GALNT2: variants seen among roughly 807,000 people sequenced by gnomAD.
The protein encoded by GALNT2 is UDP-GalNAc:polypeptide N-acetylgalactosaminyltransferase 2.
Under a neutral mutation model 81.4 loss-of-function variants are expected in GALNT2, and 31 were observed. The ratio of observed to expected loss-of-function variants is 0.38; its 90% confidence interval spans 0.29 to 0.51. GALNT2 has a LOEUF of 0.51. GALNT2 is among the 20% of genes least tolerant of loss of function. GALNT2 has a pLI of 0.87. For missense variants in GALNT2, 629 were observed against 765.7 expected (o/e 0.82, Z 2.11); for synonymous variants, 303 against 287.4 (o/e 1.05, Z -0.55).
chr1:230,206,668 C>T (rs993060631), intron 3 of GALNT2, among the ~76,000 whole-genome samples: 1 of 152,138 alleles, frequency 6.6e-6, no homozygotes, highest in Non-Finnish European at 1.5e-5. Flanking sequence ...TATCTACCTT[C>T]GTGTTGATCA....
chr1:230,241,431 G>GTT (rs112612933), intron 6 of GALNT2, among the ~76,000 whole-genome samples: 1 of 145,250 alleles, frequency 6.9e-6, no homozygotes, highest in Non-Finnish European at 1.5e-5. Flanking sequence ...GATGAGTATG[G>GTT]TTTTTTTTTT....
At chr1:230,216,548 C>G (rs1044559109) in intron 3 of GALNT2, among the ~76,000 whole-genome samples, 16 of 152,194 alleles carry the variant, frequency 1.1e-4, no homozygotes, top group African/African-American at 3.9e-4. Flanking sequence ...AAGCCATCCC[C>G]CTGAGTAGCT....
At chr1:230,060,691 T>G (rs1659025394) in intron 1 of GALNT2, among the ~76,000 whole-genome samples, 1 of 152,244 alleles carries the variant, frequency 6.6e-6, no homozygotes, top group South Asian at 2.1e-4. Context: ...AAACCTTTAC[T>G]GCGATGGTTG....
chr1:230,252,668 G>A (rs1165507442), intron 10 of GALNT2, among the ~76,000 whole-genome samples: 2 of 152,066 alleles, frequency 1.3e-5, no homozygotes, highest in Non-Finnish European at 2.9e-5. Flanking sequence ...CAACGCTGAA[G>A]ATACTGTAGT....
chr1:230,126,596 G>A (rs1056758444), intron 1 of GALNT2, among the ~76,000 whole-genome samples: 2 of 152,192 alleles, frequency 1.3e-5, no homozygotes, highest in East Asian at 3.8e-4. Flanking sequence ...TGGTTCAGAA[G>A]GCCATCCTCC....
chr1:230,206,723 A>G (rs1037576856), intron 3 of GALNT2, among the ~76,000 whole-genome samples: 1 of 152,208 alleles, frequency 6.6e-6, no homozygotes, highest in African/African-American at 2.4e-5. Context: ...GTTTTGATAA[A>G]TCTGAAAGCA....
Position 230,272,062 on chromosome 1 carries a change from A to T in GALNT2, c.1441-2383A>T, listed in dbSNP as rs1666173254. Among the ~76,000 whole-genome samples the T allele has an allele frequency of 2.0e-5, 3 of 152,232 alleles. No homozygotes were observed. In the South Asian group the frequency reaches 6.2e-4, roughly 31 times the overall value. On this transcript the variant is annotated intron_variant, in intron 14 of 15. Coordinates refer to ENST00000366672, the MANE Select transcript of GALNT2 (RefSeq NM_004481.5). ...GTTGGGAACCGGGGTCAAAGACCAA[A>T]CACTAGAATGAAAGATGCTCCTAAA... is the stretch of plus-strand genomic sequence containing the variant.
intron 11 of GALNT2, among the ~76,000 whole-genome samples, chr1:230,256,664 G>A (rs930278767): frequency 2.0e-5 from 3 of 152,128 alleles, no homozygotes; most frequent in Admixed American, 6.5e-5. Context: ...AGGGCTTTCC[G>A]AAAGTAAAAT....
rs780916287 is a variant in GALNT2, at chr1:230,178,211, C to T, written c.127-7C>T. The stretch of plus-strand genomic sequence containing the variant: ...AGTCAACTCATTCAGTGTCTTTGTT[C>T]CCCTAGGAGGACTGGAATGAAATTG... On this transcript the variant is annotated splice_polypyrimidine_tract_variant and splice_region_variant and intron_variant, in intron 1 of 15. Coordinates refer to ENST00000366672, the MANE Select transcript of GALNT2 (RefSeq NM_004481.5). 3 of 1,607,804 alleles carry T rather than the reference C, an allele frequency of 1.9e-6. No individual in the cohort carries two copies. Among genetic ancestry groups the T allele is most frequent in the African/African-American group, 1.3e-5 (1 of 74,714 alleles).
intron 1 of GALNT2, among the ~76,000 whole-genome samples, chr1:230,076,890 T>G (rs1659578772): frequency 6.6e-6 from 1 of 152,192 alleles, no homozygotes; most frequent in African/African-American, 2.4e-5. Context: ...CCATCAAGGT[T>G]TCTTCCTCTC....
At chr1:230,252,082 G>C (rs953287446) in intron 10 of GALNT2, among the ~76,000 whole-genome samples, 2 of 152,160 alleles carry the variant, frequency 1.3e-5, no homozygotes, top group African/African-American at 4.8e-5. Context: ...GGCTCTCCTG[G>C]GTTATGCCAA....
chr1:230,096,415 A>T (rs558233761), intron 1 of GALNT2, among the ~76,000 whole-genome samples: 1 of 152,184 alleles, frequency 6.6e-6, no homozygotes, highest in African/African-American at 2.4e-5. Flanking sequence ...TGGTTAGAGC[A>T]TGCTGGCTGA....
intron 1 of GALNT2, among the ~76,000 whole-genome samples, chr1:230,103,575 G>C (rs1404325414): frequency 6.6e-6 from 1 of 152,114 alleles, no homozygotes; most frequent in African/African-American, 2.4e-5. Context: ...GAGGCAGTCT[G>C]TGTCTGTGGG....
At chr1:230,150,526 T>C (rs556711499) in intron 1 of GALNT2, among the ~76,000 whole-genome samples, 1 of 152,378 alleles carries the variant, frequency 6.6e-6, no homozygotes, top group South Asian at 2.1e-4. Flanking sequence ...AGTGAATGTC[T>C]CTGTTAGAGT....
At chr1:230,261,051 T>C (rs1665861711) in intron 11 of GALNT2, among the ~76,000 whole-genome samples, 1 of 151,932 alleles carries the variant, frequency 6.6e-6, no homozygotes, top group African/African-American at 2.4e-5. Context: ...TTCATTTGAT[T>C]CCTTCCTCAT....
chr1:230,187,505 G>A (rs906868571), intron 2 of GALNT2, among the ~76,000 whole-genome samples: 1 of 152,142 alleles, frequency 6.6e-6, no homozygotes, highest in Non-Finnish European at 1.5e-5. Context: ...CATCTGGGTG[G>A]GGCTACCTGT....
At chr1:230,061,979 T>A (rs1319293102) in intron 1 of GALNT2, among the ~76,000 whole-genome samples, 3 of 152,234 alleles carry the variant, frequency 2.0e-5, no homozygotes, top group Non-Finnish European at 1.5e-5. Flanking sequence ...ACTTCCTTTT[T>A]TCATTTAACA....
chr1:230,105,061 C>T (rs370430548), intron 1 of GALNT2, among the ~76,000 whole-genome samples: 2 of 152,190 alleles, frequency 1.3e-5, no homozygotes, highest in African/African-American at 2.4e-5. Flanking sequence ...CTGTAAGGAG[C>T]GTACTGATGC....
chr1:230,115,837 T>A (rs1272672421), intron 1 of GALNT2, among the ~76,000 whole-genome samples: 1 of 152,244 alleles, frequency 6.6e-6, no homozygotes, highest in Non-Finnish European at 1.5e-5. Flanking sequence ...GAATCCTTTG[T>A]TGTAATTTTG....
Sources: gnomAD v4.1 joint callset for allele counts (sites outside exome capture counted in the v4.1 genomes callset) on GRCh38, gnomAD v4.1.1 for gene constraint, MANE v1.5 for transcripts, NCBI Gene and HGNC (gene_info 2026-07-23, HGNC 2026-07-21) for gene names.